Variants in RELCH observed in about 807,000 individuals in gnomAD.
RELCH encodes RAB11-binding protein RELCH.
In RELCH, 41 loss-of-function variants were observed where a neutral mutation model predicts 150.3. That is an observed-to-expected ratio of 0.27 (90% confidence interval 0.21 to 0.35). The LOEUF is 0.35. RELCH is among the 10% of genes least tolerant of loss of function. The pLI, the probability that RELCH is intolerant of heterozygous loss-of-function variation, is 1.00. For synonymous variants in RELCH, 478 were observed against 531.8 expected (o/e 0.90, Z 1.39); for missense variants, 1,092 against 1,467.8 (o/e 0.74, Z 4.18).
chr18:62,291,490 G>C, intron 26 of RELCH, 53 bp from the exon 27 acceptor site: 1 of 1,041,622 alleles, frequency 9.6e-7, no homozygotes, highest in Non-Finnish European at 1.5e-6. Flanking sequence ...CGGTTGTTCT[G>C]TTGGACATAC....
intron 20 of RELCH, among the ~76,000 whole-genome samples, chr18:62,269,669 A>G (rs2043784762): frequency 6.6e-6 from 1 of 152,212 alleles, no homozygotes; most frequent in African/African-American, 2.4e-5. Flanking sequence ...TTTATATGCT[A>G]CCAATAAGCA....
In RELCH at chr18:62,291,587, A is replaced by G. The variant is rs751027646; in HGVS notation, c.3415A>G (p.Arg1139Gly). The stretch of plus-strand genomic sequence containing the variant: ...GGTTAATCACTTTTTACCTGGTCTC[A>G]GATGTTTACGGACTGACATGGAACA... ...LMVNHFLPGL[R>G]CLRTDMEHLS... is the part of the protein sequence containing the mutation. Residue 1139 changes from arginine (R) to glycine (G), a missense_variant, in exon 27 of 29, where the codon AGA becomes GGA. By Grantham distance (125) the Arg-to-Gly change is moderately radical. Around this residue, in one of 4 missense-constraint regions of RELCH, gnomAD observed 707 missense variants for 1,025.4 expected, o/e 0.69. Coordinates refer to ENST00000644646, the MANE Select transcript of RELCH (RefSeq NM_001346231.2). 1.9e-6 allele frequency: 3 copies of G among 1,610,634 alleles called. No individual in the cohort carries two copies. The Admixed American group carries it at 5.0e-5, about 27-fold the overall frequency.
chr18:62,247,797 T>C lies in RELCH; in HGVS notation c.1733+2921T>C, dbSNP rs141638331. On this transcript the variant is annotated intron_variant, in intron 11 of 28. Transcript: ENST00000644646. Reference sequence around the variant, plus strand: ...CCTGGATTCAAGTGATCTGCCTGCCTGGACTTTGCCAGGTGCTGGGATTAC... The same window carrying C: ...CCTGGATTCAAGTGATCTGCCTGCCCGGACTTTGCCAGGTGCTGGGATTAC... Among the ~76,000 whole-genome samples the C allele has an allele frequency of 3.5e-4, 54 of 152,284 alleles. No individual in the cohort carries two copies. The East Asian group carries it at 9.1e-3, about 26-fold the overall frequency.
Position 62,228,594 on chromosome 18 carries a change from A to G in RELCH, c.1444A>G (p.Asn482Asp). 6.2e-7 allele frequency: 1 copy of G among 1,604,968 alleles called. No homozygotes were observed. The highest frequency in any genetic ancestry group is 1.7e-5 in the Admixed American group (1 of 59,284). ...AAAGACAGTTCATTTTGATAAACCT[A>G]ATAGGTTAGTATGCATCCTATATTT... ...SKKTVHFDKP[N>D]RKLSPAFHQA... The change falls in exon 8 of 29, where the codon AAT becomes GAT. Residue 482 changes from asparagine (N) to aspartate (D), a missense_variant. Asn to Asp is a conservative substitution (Grantham distance 23). Around this residue, in one of 4 missense-constraint regions of RELCH, gnomAD observed 707 missense variants for 1,025.4 expected, o/e 0.69. Transcript: ENST00000644646.
intron 26 of RELCH, among the ~76,000 whole-genome samples, chr18:62,290,255 C>T (rs558314974): frequency 3.3e-4 from 50 of 152,198 alleles, no homozygotes; most frequent in Middle Eastern, 6.8e-3. Context: ...TCTTTATGGC[C>T]GGGCACGGTG....
chr18:62,282,211 T>C, intron 24 of RELCH, 95 bp from the exon 25 acceptor site: 1 of 1,042,492 alleles, frequency 9.6e-7, no homozygotes, highest in Middle Eastern at 2.3e-4. Flanking sequence ...TTTAATCCAC[T>C]GCTTTAAGTC....
intron 1 of RELCH, among the ~76,000 whole-genome samples, chr18:62,194,435 G>A (rs1425221314): frequency 2.6e-5 from 4 of 152,044 alleles, no homozygotes; most frequent in African/African-American, 4.8e-5. Context: ...GGTCTATGGC[G>A]GCAGGAACCG....
At chr18:62,298,074 G>A (rs1465490886) in intron 27 of RELCH, among the ~76,000 whole-genome samples, 3 of 151,392 alleles carry the variant, frequency 2.0e-5, no homozygotes, top group African/African-American at 7.3e-5. Context: ...AGGGAATATT[G>A]TCTGTTTTAT....
At chr18:62,194,567 C>T (rs1002555087) in intron 1 of RELCH, among the ~76,000 whole-genome samples, 8 of 152,162 alleles carry the variant, frequency 5.3e-5, no homozygotes, top group African/African-American at 1.9e-4. Flanking sequence ...TAAAACTGTG[C>T]TCAGTACTGT....
At chr18:62,270,802 AC>A (rs2043854046) in intron 20 of RELCH, among the ~76,000 whole-genome samples, 1 of 137,104 alleles carries the variant, frequency 7.3e-6, no homozygotes, top group African/African-American at 2.6e-5. Context: ...CCTGCCCCCC[AC>A]CCCACAACAG....
chr18:62,225,759 T>G (rs2041176622), intron 5 of RELCH, among the ~76,000 whole-genome samples: 1 of 151,922 alleles, frequency 6.6e-6, no homozygotes, highest in Non-Finnish European at 1.5e-5. Context: ...GAATGATAGA[T>G]AGATGGACAT....
At chr18:62,237,829 G>A (rs1352470834) in intron 10 of RELCH, among the ~76,000 whole-genome samples, 2 of 151,580 alleles carry the variant, frequency 1.3e-5, no homozygotes, top group Non-Finnish European at 3.0e-5. Context: ...AAAGATAGTA[G>A]GATAAAGGTT....
At chr18:62,293,589 T>A (rs928537585) in intron 27 of RELCH, among the ~76,000 whole-genome samples, 3 of 152,160 alleles carry the variant, frequency 2.0e-5, no homozygotes, top group Non-Finnish European at 2.9e-5. Context: ...GGTCACTGTT[T>A]GATTAAATAA....
intron 27 of RELCH, among the ~76,000 whole-genome samples, chr18:62,296,384 C>T (rs75616588): frequency 0.078 from 11,873 of 152,064 alleles, 574 homozygotes; most frequent in South Asian, 0.18. Flanking sequence ...GTCAGGAGTT[C>T]GAGACCAGCC....
rs554106922 is a variant in RELCH, at chr18:62,225,799, G to GT, written c.859-1478dup. On this transcript the variant is annotated intron_variant, in intron 5 of 28. Coordinates refer to ENST00000644646, the MANE Select transcript of RELCH (RefSeq NM_001346231.2). Reference sequence around the variant, plus strand: ...ATTATGTGTAATGTTCATTTAATAAGTTTTTTTTTTTTAAGTTAAAAGTTG... The same window carrying GT: ...ATTATGTGTAATGTTCATTTAATAAGTTTTTTTTTTTTTAAGTTAAAAGTTG... Among the ~76,000 whole-genome samples the GT allele has an allele frequency of 4.8e-3, 693 of 145,764 alleles. 5 individuals are homozygous for GT. Among genetic ancestry groups the GT allele is most frequent in the African/African-American group, 9.7e-3 (391 of 40,184 alleles).
intron 1 of RELCH, among the ~76,000 whole-genome samples, chr18:62,192,285 T>C (rs746827359): frequency 2.6e-5 from 4 of 152,374 alleles, no homozygotes; most frequent in Non-Finnish European, 5.9e-5. Context: ...AGACTCTGGA[T>C]GTTAGACCTT....
intron 24 of RELCH, among the ~76,000 whole-genome samples, chr18:62,282,060 T>G (rs974045109): frequency 6.6e-6 from 1 of 152,220 alleles, no homozygotes; most frequent in African/African-American, 2.4e-5. Flanking sequence ...CTTTTGTTGT[T>G]ATAATTTGTT....
chr18:62,277,180 T>G (rs2044257757), intron 22 of RELCH, among the ~76,000 whole-genome samples: 2 of 152,112 alleles, frequency 1.3e-5, no homozygotes, highest in African/African-American at 2.4e-5. Flanking sequence ...TTGCTTGTTT[T>G]GTTTGGTTTT....
chr18:62,295,630 G>A (rs919510116), intron 27 of RELCH, among the ~76,000 whole-genome samples: 1 of 152,068 alleles, frequency 6.6e-6, no homozygotes, highest in African/African-American at 2.4e-5. Flanking sequence ...CCATGCTGGA[G>A]TACAGTGGTG....
Sources: allele counts gnomAD v4.1 joint callset (sites outside exome capture counted in the v4.1 genomes callset), GRCh38; gene constraint gnomAD v4.1.1; regional missense constraint gnomAD v4.1.1; transcripts MANE v1.5; gene names NCBI Gene and HGNC (gene_info 2026-07-23, HGNC 2026-07-21).